Variants in TMEM184A observed in about 807,000 individuals in gnomAD.
TMEM184A encodes transmembrane protein 184A.
In TMEM184A, 40 loss-of-function variants were observed where a neutral mutation model predicts 39.5. That is an observed-to-expected ratio of 1.01 (90% CI 0.79 to 1.32). The LOEUF is 1.32. Ranked by LOEUF, TMEM184A falls within the 40% of genes most tolerant of loss-of-function variation. The probability of loss-of-function intolerance (pLI) is 0.00; values close to 1 mark genes in which losing one functional copy is unlikely to be tolerated. For synonymous variants in TMEM184A, 280 were observed against 252.3 expected, an observed-to-expected ratio of 1.11 and a Z score of -1.04; for missense variants, 603 against 568.8, an observed-to-expected ratio of 1.06 and a Z score of -0.61.
rs2128553922 is a variant in TMEM184A, at chr7:1,545,729, T to C, written c.*1223A>G. ...CCCCTCGCCCTGGGCCAGCCGTGTG[T>C]CCTCCCAGAAGCCCCCTTAGTCCCT... On this transcript the variant is annotated 3_prime_UTR_variant, in exon 9 of 9. Coordinates refer to ENST00000297477, the MANE Select transcript of TMEM184A (RefSeq NM_001097620.2). The C allele has an allele frequency of 6.6e-6, 1 of 152,562 alleles. No homozygotes were observed. The highest frequency in any genetic ancestry group is 1.5e-5 in the Non-Finnish European group (1 of 68,062). 9.5% of individuals were successfully genotyped at this position (152,562 alleles called of 1,614,324 possible). A position where few individuals can be genotyped will look rare whatever the true frequency, so the allele number is the denominator to read the frequency against.
At chr7:1,553,766 A>G (rs1397631915) in intron 2 of TMEM184A, among the ~76,000 whole-genome samples, 2 of 152,022 alleles carry the variant, frequency 1.3e-5, no homozygotes, top group Non-Finnish European at 2.9e-5. Flanking sequence ...TGACCTTGAC[A>G]AGCCACTGTC....
At chr7:1,549,416 C>A (rs779101961) in intron 6 of TMEM184A, 16 of 402,894 alleles carry the variant, frequency 4.0e-5, no homozygotes, top group Admixed American at 1.4e-4. Context: ...TCGGGGTGGA[C>A]CTTGGTCCCC....
At chr7:1,552,506 AG>A (rs1159116151) in intron 2 of TMEM184A, among the ~76,000 whole-genome samples, 2 of 141,792 alleles carry the variant, frequency 1.4e-5, no homozygotes, top group Admixed American at 7.0e-5. Context: ...GTTGTACAAT[AG>A]GTTTTTTTTT....
intron 2 of TMEM184A, among the ~76,000 whole-genome samples, chr7:1,554,383 C>G (rs1376606803): frequency 6.6e-6 from 1 of 152,178 alleles, no homozygotes; most frequent in African/African-American, 2.4e-5. Flanking sequence ...GGAAGCAGCT[C>G]TGCCCTCAGC....
chr7:1,550,004 G>A (rs1473744519), intron 5 of TMEM184A, 59 bp from the exon 6 acceptor site: 1 of 1,602,292 alleles, frequency 6.2e-7, no homozygotes, highest in Non-Finnish European at 8.5e-7. Flanking sequence ...CCAGGAATGG[G>A]GATTGGGGCA....
rs1005732670 is a variant in TMEM184A, at chr7:1,555,893, G to C, written c.-1+221C>G. The C allele has an allele frequency of 7.4e-6, 2 of 270,092 alleles. No individual in the cohort carries two copies. Among genetic ancestry groups the C allele is most frequent in the Admixed American group, 1.1e-4 (2 of 17,804 alleles). The allele number at this position is 270,092 out of a possible 1,614,324, so 16.7% of individuals were successfully genotyped here. ...CCAGCACTGCCTGCCCCGGCAGGAG[G>C]GGGTGTGCAGCCACCCTCATGGGAG... On this transcript the variant is annotated intron_variant, in intron 1 of 8. Coordinates refer to ENST00000297477, the MANE Select transcript of TMEM184A (RefSeq NM_001097620.2). This position sits in a 1 kb window ranked among gnomAD's most constrained non-coding sequence, Gnocchi z 5.2.
At chr7:1,553,414 C>T (rs1784681516) in intron 2 of TMEM184A, among the ~76,000 whole-genome samples, 1 of 152,140 alleles carries the variant, frequency 6.6e-6, no homozygotes, top group African/African-American at 2.4e-5. Flanking sequence ...TGGCCTCCCA[C>T]AATGCTGGGA....
intron 2 of TMEM184A, among the ~76,000 whole-genome samples, chr7:1,554,210 G>T (rs1057515023): frequency 6.6e-6 from 1 of 152,186 alleles, no homozygotes; most frequent in African/African-American, 2.4e-5. Context: ...GGGACTAACA[G>T]TGCAGGCCCC....
At position 1,545,845 on chromosome 7, in the gene TMEM184A, A is replaced by C. The variant is rs1784327263; in HGVS notation, c.*1107T>G. The C allele has an allele frequency of 2.0e-5, 3 of 152,412 alleles. No individual in the cohort carries two copies. The highest frequency in any genetic ancestry group is 6.5e-5 in the Admixed American group (1 of 15,294). 9.4% of individuals were successfully genotyped at this position (152,412 alleles called of 1,614,324 possible). ...CAGGGCACGCGTCCGAGGCTCCTCA[A>C]ACCCAGGGCCCCACCTGGCACGTGG... is the stretch of plus-strand genomic sequence containing the variant. On this transcript the variant is annotated 3_prime_UTR_variant, in exon 9 of 9. Transcript: ENST00000297477.
intron 2 of TMEM184A, among the ~76,000 whole-genome samples, chr7:1,552,928 G>A (rs1414329639): frequency 5.3e-5 from 8 of 151,994 alleles, no homozygotes; most frequent in Non-Finnish European, 7.4e-5. Flanking sequence ...GGTGGCGGGC[G>A]CCTGCAGTCC....
intron 3 of TMEM184A, 126 bp from the exon 4 acceptor site, chr7:1,550,521 G>T: frequency 1.2e-6 from 1 of 807,344 alleles, no homozygotes; most frequent in Non-Finnish European, 1.9e-6. Context: ...ACAGCAAGAG[G>T]CTCCTGATGG....
In TMEM184A at chr7:1,547,177, G is replaced by A. The variant is rs763409858; in HGVS notation, c.1017C>T (p.Pro339=). Residue 339 remains proline, a synonymous_variant, in exon 9 of 9, where the codon CCC becomes CCT. Coordinates refer to ENST00000297477, the MANE Select transcript of TMEM184A (RefSeq NM_001097620.2). ...TGGAGATGCTCTGCATGGGTGCCGGGGGGGCTGGGGGAGGGCAGTGTATGA... is the reference window on the plus strand; with the variant it reads ...TGGAGATGCTCTGCATGGGTGCCGGAGGGGCTGGGGGAGGGCAGTGTATGA... ...YAEKKENSPA[P]PAPMQSISSG... is the part of the protein sequence containing the mutation. 7.4e-5 allele frequency: 118 copies of A among 1,584,748 alleles called. No individual in the cohort carries two copies. The highest frequency in any genetic ancestry group is 9.5e-5 in the Non-Finnish European group (111 of 1,164,726).
In TMEM184A at chr7:1,544,567, GC is replaced by G. The variant is rs1784283097; in HGVS notation, c.*2384del. 1.3e-5 allele frequency: 2 copies of G among 152,356 alleles called. No homozygotes were observed. Among genetic ancestry groups the G allele is most frequent in the Non-Finnish European group, 2.9e-5 (2 of 68,094 alleles). 9.4% of individuals were successfully genotyped at this position (152,356 alleles called of 1,614,324 possible). Reference sequence around the variant, plus strand: ...GTCCCTCCCGCTCACATGCGCCCACGCTCCCCCTCGAGGCAGGTTGAGCCCC... The same window carrying G: ...GTCCCTCCCGCTCACATGCGCCCACGTCCCCCTCGAGGCAGGTTGAGCCCC... On this transcript the variant is annotated 3_prime_UTR_variant, in exon 9 of 9. Transcript: ENST00000297477.
chr7:1,548,630 G>A lies in TMEM184A; in HGVS notation c.703C>T (p.Leu235Phe), dbSNP rs1409012408. 3 of 1,613,858 alleles carry A rather than the reference G, an allele frequency of 1.9e-6. No individual in the cohort carries two copies. The Admixed American group carries it at 5.0e-5, about 27-fold the overall frequency. The stretch of plus-strand genomic sequence containing the variant: ...AAGTAGAAGAGGAACAGGGCGTAGA[G>A]GGCGAGGCTGACGGAGGCGTTGTAG... ...LIYNASVSLA[L>F]YALFLFYFTT... Residue 235 changes from leucine to phenylalanine, a missense_variant, in exon 7 of 9, where the codon CTC (leucine) becomes TTC (phenylalanine). By Grantham distance (22) the Leu-to-Phe change is conservative. Transcript: ENST00000297477.
rs373417069 is a variant in TMEM184A at position 1,549,395 on chromosome 7, C to T, written c.644+459G>A. ...TGTGCTGGGTGGCTGCCTGTCTGTT[C>T]AGCCAACAGGTCGGGGTGGACCTTG... On this transcript the variant is annotated intron_variant, in intron 6 of 8. Coordinates refer to ENST00000297477, the MANE Select transcript of TMEM184A (RefSeq NM_001097620.2). 85 of 275,548 alleles carry T rather than the reference C, an allele frequency of 3.1e-4. 4 individuals are homozygous for T. The highest frequency in any genetic ancestry group is 1.7e-3 in the South Asian group (85 of 48,616). 17.1% of individuals were successfully genotyped at this position (275,548 alleles called of 1,614,324 possible).
At chr7:1,548,062 AC>A in intron 7 of TMEM184A, 123 bp from the exon 8 acceptor site, 3 of 1,099,682 alleles carry the variant, frequency 2.7e-6, no homozygotes, top group Non-Finnish European at 3.8e-6. Flanking sequence ...GTCTCGTCCC[AC>A]CCCAGGAGAC....
Position 1,549,656 on chromosome 7 carries a change from G to A in TMEM184A, c.644+198C>T, listed in dbSNP as rs571603224. ...CTTGGGCGGGGCCCCTAGCCCAGCC[G>A]GACGCCAGGCCTGCCTTGTTGGGCC... is the stretch of plus-strand genomic sequence containing the variant. On this transcript the variant is annotated intron_variant, in intron 6 of 8. Transcript: ENST00000297477. 1.3e-4 allele frequency: 93 copies of A among 691,302 alleles called. 1 individual carries two copies. Among genetic ancestry groups the A allele is most frequent in the African/African-American group, 8.7e-4 (49 of 56,626 alleles). The allele number at this position is 691,302 out of a possible 1,614,324, so 42.8% of individuals were successfully genotyped here.
At chr7:1,547,611 C>T (rs192659593) in intron 8 of TMEM184A, 131 bp downstream of exon 8, 49 of 963,008 alleles carry the variant, frequency 5.1e-5, no homozygotes, top group Non-Finnish European at 7.0e-5. Flanking sequence ...TGTCCGGAGC[C>T]GGATGCCCTT....
In TMEM184A at chr7:1,542,430, C is replaced by T. The variant is rs879650991; in HGVS notation, c.*4522G>A. 5 of 152,468 alleles carry T rather than the reference C, an allele frequency of 3.3e-5. No individual in the cohort carries two copies. The highest frequency in any genetic ancestry group is 7.2e-5 in the African/African-American group (3 of 41,452). The allele number at this position is 152,468 out of a possible 1,614,324, so 9.4% of individuals were successfully genotyped here. On this transcript the variant is annotated 3_prime_UTR_variant, in exon 9 of 9. Coordinates refer to ENST00000297477, the MANE Select transcript of TMEM184A (RefSeq NM_001097620.2). ...CGGACTGTACCAGGCAGCTGGGCCCCGCAGGACAGGCCGCAGCGGGTGGCC... is the reference window on the plus strand; with the variant it reads ...CGGACTGTACCAGGCAGCTGGGCCCTGCAGGACAGGCCGCAGCGGGTGGCC...
Sources: allele counts gnomAD v4.1 joint callset (sites outside exome capture counted in the v4.1 genomes callset), GRCh38; gene constraint gnomAD v4.1.1; non-coding constraint Gnocchi (gnomAD v3.1); transcripts MANE v1.5; gene names NCBI Gene and HGNC (gene_info 2026-07-23, HGNC 2026-07-21).